The following PSMD1 variants were observed in gnomAD, a reference collection of about 807,000 sequenced individuals.
The protein encoded by PSMD1 is proteasome 26S subunit, non-ATPase 1, also known as 26S proteasome non-ATPase regulatory subunit 1.
Under a neutral mutation model 119.0 loss-of-function variants are expected in PSMD1, and 18 were observed. The observed-to-expected ratio is 0.15, with a 90% CI of 0.10 to 0.22. The LOEUF is 0.22. Ranked by LOEUF, PSMD1 falls within the 10% of genes least tolerant of loss-of-function variation. The pLI is 1.00. For missense variants in PSMD1, 702 were observed against 1,158.5 expected (o/e 0.61, Z 5.72); for synonymous variants, 374 against 396.6 (o/e 0.94, Z 0.68).
chr2:231,118,956 T>C (rs1695439518), intron 16 of PSMD1, among the ~76,000 whole-genome samples: 1 of 151,596 alleles, frequency 6.6e-6, no homozygotes, highest in Non-Finnish European at 1.5e-5. Flanking sequence ...GAAATTCTAA[T>C]GCTTCTGTCT....
At chr2:231,144,161 A>G (rs868277489) in intron 17 of PSMD1, among the ~76,000 whole-genome samples, 1 of 152,066 alleles carries the variant, frequency 6.6e-6, no homozygotes, top group East Asian at 1.9e-4. Context: ...GGGATCAAGT[A>G]GTCATCCCAC....
intron 19 of PSMD1, among the ~76,000 whole-genome samples, chr2:231,161,001 A>G (rs769025043): frequency 7.4e-4 from 112 of 152,284 alleles, no homozygotes; most frequent in Non-Finnish European, 1.5e-3. Flanking sequence ...ATATGAGGCT[A>G]GGAGTTTGAG....
chr2:231,123,722 G>A (rs571209473), intron 16 of PSMD1: 1 of 1,614,022 alleles, frequency 6.2e-7, no homozygotes, highest in South Asian at 1.1e-5. Flanking sequence ...ATGTGCTCAG[G>A]AATTGTGCTT....
intron 15 of PSMD1, 145 bp from the exon 16 acceptor site, chr2:231,086,972 T>C: frequency 2.0e-6 from 1 of 508,220 alleles, no homozygotes. Flanking sequence ...TTATTGTATA[T>C]GTTTAGAGGT....
intron 1 of PSMD1, chr2:231,060,295 C>T (rs1285446871): frequency 2.6e-5 from 4 of 152,144 alleles, no homozygotes; most frequent in African/African-American, 9.7e-5. Context: ...TGTATCTTTT[C>T]CTGTGTGGCT....
chr2:231,172,660 G>C lies in PSMD1; in HGVS notation c.*135G>C, dbSNP rs2125276721. ...CCTCTGCACTGACCTGAAGAACCCT[G>C]TCTCCAAGTCTTTGGTTGAAGAGAA... On this transcript the variant is annotated 3_prime_UTR_variant, in exon 25 of 25. Coordinates refer to ENST00000308696, the MANE Select transcript of PSMD1 (RefSeq NM_002807.4). 6.6e-6 allele frequency: 1 copy of C among 152,290 alleles called. No individual in the cohort carries two copies. The highest frequency in any genetic ancestry group is 2.1e-4 in the South Asian group (1 of 4,828). 9.4% of individuals were successfully genotyped at this position (152,290 alleles called of 1,614,324 possible).
chr2:231,141,958 C>G (rs1318982817), intron 17 of PSMD1, among the ~76,000 whole-genome samples: 2 of 152,218 alleles, frequency 1.3e-5, no homozygotes, highest in Admixed American at 1.3e-4. Context: ...TCTCGGCTCA[C>G]TGCAACCTCC....
intron 16 of PSMD1, among the ~76,000 whole-genome samples, chr2:231,131,162 T>C (rs952902282): frequency 6.6e-6 from 1 of 152,208 alleles, no homozygotes; most frequent in Non-Finnish European, 1.5e-5. Context: ...GTTTAATGTG[T>C]TGTTTGGTCC....
At chr2:231,082,857 C>T in intron 12 of PSMD1, 26 bp from the exon 13 acceptor site, 1 of 1,544,428 alleles carries the variant, frequency 6.5e-7, no homozygotes, top group Non-Finnish European at 8.9e-7. Flanking sequence ...TGTACCAAAT[C>T]AATGGAATCT....
At chr2:231,120,979 G>A (rs1695520988) in intron 16 of PSMD1, among the ~76,000 whole-genome samples, 1 of 152,180 alleles carries the variant, frequency 6.6e-6, no homozygotes, top group Non-Finnish European at 1.5e-5. Flanking sequence ...GGTATTTGAA[G>A]TCAGGTTTCC....
chr2:231,092,283 A>G (rs1694615158), intron 16 of PSMD1, among the ~76,000 whole-genome samples: 1 of 152,138 alleles, frequency 6.6e-6, no homozygotes, highest in Non-Finnish European at 1.5e-5. Context: ...TTTAAATTAG[A>G]TATAATTAGT....
chr2:231,123,297 A>G, intron 16 of PSMD1: 1 of 809,988 alleles, frequency 1.2e-6, no homozygotes, highest in Non-Finnish European at 2.1e-6. Flanking sequence ...CCGTATCTTT[A>G]AATAGTCCAA....
intron 16 of PSMD1, among the ~76,000 whole-genome samples, chr2:231,107,857 C>T (rs1695013756): frequency 6.6e-6 from 1 of 152,210 alleles, no homozygotes; most frequent in Non-Finnish European, 1.5e-5. Context: ...CCTCCTTCTC[C>T]AATAGACCTA....
intron 18 of PSMD1, among the ~76,000 whole-genome samples, chr2:231,150,013 T>C (rs1168921389): frequency 1.3e-5 from 2 of 152,020 alleles, no homozygotes; most frequent in Non-Finnish European, 2.9e-5. Flanking sequence ...AGGAAAAAAA[T>C]TAGACGCTAA....
At chr2:231,111,943 C>T (rs1695169956) in intron 16 of PSMD1, among the ~76,000 whole-genome samples, 1 of 151,978 alleles carries the variant, frequency 6.6e-6, no homozygotes, top group South Asian at 2.1e-4. Context: ...ATTCTTAGTA[C>T]CTAGCACATT....
chr2:231,057,152 AGCTTCT>A (rs1693616312), intron 1 of PSMD1, 111 bp downstream of exon 1: 7 of 1,338,994 alleles, frequency 5.2e-6, no homozygotes, highest in African/African-American at 1.6e-5. Context: ...CGGCCTGGGC[AGCTTCT>A]TGCTGCCCAG....
intron 17 of PSMD1, among the ~76,000 whole-genome samples, chr2:231,141,583 AT>A (rs113740529): frequency 0.026 from 3,739 of 142,510 alleles, 133 homozygotes; most frequent in African/African-American, 0.081. Context: ...TGCCAGGCTA[AT>A]TTTTTTTTTT....
Position 231,066,916 on chromosome 2 carries a change from T to C in PSMD1, c.315T>C (p.Ile105=). Residue 105 remains isoleucine (I), a synonymous_variant, in exon 5 of 25, where the codon ATT becomes ATC. Transcript: ENST00000308696. ...EYVETIIAKC[I]DHYTKQCVEN... is the part of the protein sequence containing the mutation. Reference sequence around the variant, plus strand: ...TTATTTCCTCAACAGCAAAATGCATTGATCACTACACCAAACAATGTGTGG... The same window carrying C: ...TTATTTCCTCAACAGCAAAATGCATCGATCACTACACCAAACAATGTGTGG... 1.3e-6 allele frequency: 2 copies of C among 1,596,076 alleles called. No individual in the cohort carries two copies. Among genetic ancestry groups the C allele is most frequent in the Non-Finnish European group, 1.7e-6 (2 of 1,174,268 alleles).
At chr2:231,167,263 GT>G (rs1696807204) in intron 23 of PSMD1, among the ~76,000 whole-genome samples, 1 of 152,084 alleles carries the variant, frequency 6.6e-6, no homozygotes, top group African/African-American at 2.4e-5. Context: ...AACTGTGTCT[GT>G]AAACTTATCT....
Sources: gnomAD v4.1 joint callset for allele counts (sites outside exome capture counted in the v4.1 genomes callset) on GRCh38, gnomAD v4.1.1 for gene constraint, MANE v1.5 for transcripts, NCBI Gene and HGNC (gene_info 2026-07-23, HGNC 2026-07-21) for gene names.